SPATA3: variants seen among roughly 807,000 people sequenced by gnomAD.
SPATA3 encodes the protein spermatogenesis-associated protein 3.
SPATA3 carries 6 observed loss-of-function variants against 5.7 expected under a neutral mutation model. The observed-to-expected ratio is 1.06, with a 90% CI of 0.58 to 2.09. SPATA3 has a LOEUF of 2.09. Ranked by LOEUF, SPATA3 falls within the 30% of genes most tolerant of loss-of-function variation. The pLI is 0.00. For missense variants in SPATA3, 155 were observed against 130.4 expected, an observed-to-expected ratio of 1.19 and a Z score of -0.92; for synonymous variants, 44 against 48.4, an observed-to-expected ratio of 0.91 and a Z score of 0.37.
chr2:231,002,819 G>A (rs1692404276), downstream of SPATA3: 1 of 1,375,802 alleles, frequency 7.3e-7, no homozygotes, highest in Non-Finnish European at 9.6e-7. Context: ...TAGGCCCACA[G>A]TCTGGCAGGT....
At chr2:231,014,638 G>A (rs902384647) in intron 6 of SPATA3, among the ~76,000 whole-genome samples, 1 of 152,136 alleles carries the variant, frequency 6.6e-6, no homozygotes, top group African/African-American at 2.4e-5. Context: ...GCAACCTGGT[G>A]GCATCGTGGG....
intron 1 of SPATA3, chr2:230,999,597 A>G (rs140655357): frequency 1.7e-3 from 277 of 159,252 alleles, no homozygotes; most frequent in Admixed American, 4.1e-3. Flanking sequence ...GATAGGAAAC[A>G]GGAGGGAATA....
intron 1 of SPATA3, among the ~76,000 whole-genome samples, chr2:230,998,978 G>C (rs1288909841): frequency 6.6e-6 from 1 of 152,104 alleles, no homozygotes; most frequent in Non-Finnish European, 1.5e-5. Context: ...CAAAAAGTGG[G>C]AACAACCCAA....
At position 231,019,548 on chromosome 2, in the gene SPATA3, T is replaced by A. The variant is rs534959319; in HGVS notation, c.*566-172T>A. Among the ~76,000 whole-genome samples, 323 of 150,612 alleles carry A rather than the reference T, an allele frequency of 2.1e-3. 5 individuals carry two copies. The highest frequency in any genetic ancestry group is 7.5e-3 in the African/African-American group (307 of 41,090). ...ACCGTGTTAGCCGGGATGGTCTCGA[T>A]CTCCTGACCTCGTGATTCACCCACC... On this transcript the variant is annotated intron_variant, in intron 6 of 8. Transcript: ENST00000452881.
chr2:231,017,556 A>G (rs1692964451), intron 6 of SPATA3, among the ~76,000 whole-genome samples: 1 of 152,220 alleles, frequency 6.6e-6, no homozygotes. Context: ...TGTGGGGGCC[A>G]CCTAGGGGCC....
chr2:231,011,934 C>T (rs1692799651), downstream of SPATA3, among the ~76,000 whole-genome samples: 1 of 152,250 alleles, frequency 6.6e-6, no homozygotes, highest in East Asian at 1.9e-4. Flanking sequence ...ATACTTATTA[C>T]ACCTCAGCCA....
chr2:231,005,076 C>CCAT (rs1574663939), downstream of SPATA3, among the ~76,000 whole-genome samples: 1 of 88,232 alleles, frequency 1.1e-5, no homozygotes, highest in South Asian at 3.9e-4. Context: ...ATCACCACCA[C>CCAT]CATCATCACC....
At chr2:231,018,701 G>A (rs1451213994) in intron 6 of SPATA3, among the ~76,000 whole-genome samples, 1 of 145,918 alleles carries the variant, frequency 6.9e-6, no homozygotes, top group African/African-American at 2.5e-5. Flanking sequence ...TTTTTTTTTT[G>A]AGGTGGAGTC....
intron 6 of SPATA3, among the ~76,000 whole-genome samples, chr2:231,017,398 C>T (rs1217841764): frequency 6.6e-6 from 1 of 152,202 alleles, no homozygotes; most frequent in East Asian, 1.9e-4. Context: ...ACTTTGTCTA[C>T]ATCCGGAGAG....
At chr2:231,001,824 CA>C (rs1692361995) in intron 2 of SPATA3, among the ~76,000 whole-genome samples, 2 of 152,154 alleles carry the variant, frequency 1.3e-5, no homozygotes, top group Non-Finnish European at 1.5e-5. Context: ...ATGCAAGATG[CA>C]AAGAGCCTTG....
downstream of SPATA3, among the ~76,000 whole-genome samples, chr2:231,011,085 A>G (rs578029999): frequency 1.4e-4 from 21 of 146,178 alleles, 1 homozygote; most frequent in South Asian, 8.6e-4. Context: ...AAAAAAAAAA[A>G]AAAAGAAAAG....
intron 1 of SPATA3, among the ~76,000 whole-genome samples, chr2:230,998,896 A>T (rs1692238935): frequency 6.6e-6 from 1 of 152,250 alleles, no homozygotes; most frequent in Non-Finnish European, 1.5e-5. Context: ...AATTCGAAGC[A>T]TCTTATTAAG....
intron 6 of SPATA3, among the ~76,000 whole-genome samples, chr2:231,017,136 T>C (rs1242194408): frequency 2.0e-5 from 3 of 152,240 alleles, no homozygotes; most frequent in Non-Finnish European, 4.4e-5. Context: ...GAATCCTGGC[T>C]ACGATATTAG....
intron 1 of SPATA3, among the ~76,000 whole-genome samples, chr2:230,997,313 G>A (rs950488280): frequency 2.6e-5 from 4 of 152,182 alleles, no homozygotes; most frequent in Admixed American, 2.0e-4. Context: ...GCCGCCATGT[G>A]AGATGTGCCT....
At chr2:231,018,969 C>CTTTTTTTTT (rs10652495) in intron 6 of SPATA3, among the ~76,000 whole-genome samples, 1 of 126,320 alleles carries the variant, frequency 7.9e-6, no homozygotes, top group Non-Finnish European at 1.6e-5. Flanking sequence ...TTTTCTTTTT[C>CTTTTTTTTT]TTTTTTTTTT....
chr2:230,996,673 T>G, intron 1 of SPATA3, 139 bp downstream of exon 1: 1 of 1,187,394 alleles, frequency 8.4e-7, no homozygotes, highest in Non-Finnish European at 1.1e-6. Flanking sequence ...GGAAGGTTTT[T>G]GTTTTTGTTT....
downstream of SPATA3, among the ~76,000 whole-genome samples, chr2:231,011,404 A>G (rs909894162): frequency 2.6e-5 from 4 of 152,144 alleles, no homozygotes; most frequent in African/African-American, 7.2e-5. Context: ...CACCCGGTCC[A>G]GTTGGTTATT....
At chr2:231,017,589 A>G (rs1325294083) in intron 6 of SPATA3, among the ~76,000 whole-genome samples, 2 of 152,226 alleles carry the variant, frequency 1.3e-5, no homozygotes, top group Non-Finnish European at 2.9e-5. Flanking sequence ...GATTTGGATT[A>G]GCTTCCCTTG....
chr2:231,017,381 C>T (rs907281770), intron 6 of SPATA3, among the ~76,000 whole-genome samples: 1 of 152,228 alleles, frequency 6.6e-6, no homozygotes, highest in African/African-American at 2.4e-5. Context: ...CCCACGGGTA[C>T]AATGGGACTT....
Sources: allele counts gnomAD v4.1 joint callset (sites outside exome capture counted in the v4.1 genomes callset), GRCh38; gene constraint gnomAD v4.1.1; transcripts MANE v1.5; gene names NCBI Gene and HGNC (gene_info 2026-07-23, HGNC 2026-07-21).